The following CTNNA2 variants were observed in gnomAD, a reference collection of about 807,000 sequenced individuals.
The protein encoded by CTNNA2 is catenin alpha 2.
Under a neutral mutation model 101.0 loss-of-function variants are expected in CTNNA2, and 42 were observed. The observed-to-expected ratio is 0.42, with a 90% CI of 0.32 to 0.54. CTNNA2 has a LOEUF of 0.54. CTNNA2 is among the 20% of genes least tolerant of loss of function. CTNNA2 has a pLI of 0.14. For missense variants in CTNNA2, 871 were observed against 1,223.1 expected (o/e 0.71, Z 4.29); for synonymous variants, 450 against 456.4 (o/e 0.99, Z 0.18).
intron 4 of CTNNA2, among the ~76,000 whole-genome samples, chr2:79,474,411 A>G (rs572481501): frequency 1.5e-4 from 23 of 152,328 alleles, no homozygotes; most frequent in Admixed American, 7.2e-4. Context: ...AAGACTGCAT[A>G]TGACATGGTT....
At chr2:80,604,805 A>G (rs927306329) in intron 16 of CTNNA2, among the ~76,000 whole-genome samples, 3 of 151,920 alleles carry the variant, frequency 2.0e-5, no homozygotes, top group Non-Finnish European at 4.4e-5. Context: ...TTCTTTAAAA[A>G]GTTGTCGCGG....
intron 1 of CTNNA2, among the ~76,000 whole-genome samples, chr2:79,624,792 G>C (rs910186260): frequency 6.6e-6 from 1 of 152,194 alleles, no homozygotes; most frequent in Non-Finnish European, 1.5e-5. Flanking sequence ...ATTAAGATCA[G>C]TTCTGGTGAG....
rs146013312 is a variant in CTNNA2, at chr2:79,494,022, T to C, written c.-134-11032T>C. ...GAGAAAACAATTGTATTTCTATATA[T>C]TAACAATGAACAATCTAAACTAAAA... On this transcript the variant is annotated intron_variant, in intron 4 of 21. Coordinates refer to the CTNNA2 transcript ENST00000466387. 1.8e-3 allele frequency: 268 copies of C among 152,110 alleles called. 1 individual carries two copies. The highest frequency in any genetic ancestry group is 6.2e-3 in the African/African-American group (259 of 41,522). 9.4% of individuals were successfully genotyped at this position (152,110 alleles called of 1,614,324 possible).
intron 7 of CTNNA2, among the ~76,000 whole-genome samples, chr2:80,250,204 A>AGTGTGT (rs56664173): frequency 0.014 from 1,374 of 96,498 alleles, 30 homozygotes; most frequent in African/African-American, 0.038. Context: ...AGAGAGAGAG[A>AGTGTGT]GTGTGTGTGT....
intron 7 of CTNNA2, among the ~76,000 whole-genome samples, chr2:80,007,900 T>C (rs1192107175): frequency 6.6e-6 from 1 of 152,148 alleles, no homozygotes; most frequent in Non-Finnish European, 1.5e-5. Context: ...TGCTGGGAGA[T>C]TCTTGCACAA....
intron 9 of CTNNA2, among the ~76,000 whole-genome samples, chr2:80,449,205 A>C (rs2149453241): frequency 6.6e-6 from 1 of 152,138 alleles, no homozygotes; most frequent in East Asian, 1.9e-4. Flanking sequence ...TGAGCCCAAG[A>C]GTTTGAGGTT....
At chr2:79,274,414 G>A (rs1190369415) in intron 2 of CTNNA2, among the ~76,000 whole-genome samples, 1 of 151,966 alleles carries the variant, frequency 6.6e-6, no homozygotes, top group Non-Finnish European at 1.5e-5. Context: ...AAACAAAATA[G>A]AACTTTAGTT....
At chr2:79,427,566 A>G (rs1305293574) in intron 4 of CTNNA2, among the ~76,000 whole-genome samples, 5 of 151,824 alleles carry the variant, frequency 3.3e-5, no homozygotes, top group Non-Finnish European at 5.9e-5. Flanking sequence ...TCTGTGATCT[A>G]TGAAACCAAC....
chr2:79,309,864 A>G (rs73938178), intron 2 of CTNNA2, among the ~76,000 whole-genome samples: 13,053 of 152,164 alleles, frequency 0.086, 607 homozygotes, highest in African/African-American at 0.1. Flanking sequence ...AATCTGGTAC[A>G]TTTCTCCTTT....
chr2:79,689,526 AT>A (rs1179483950), intron 2 of CTNNA2, among the ~76,000 whole-genome samples: 1 of 152,016 alleles, frequency 6.6e-6, no homozygotes, highest in Non-Finnish European at 1.5e-5. Context: ...AAATATTATC[AT>A]CCATAACTTT....
chr2:79,544,640 C>T (rs1451938313), intron 1 of CTNNA2, among the ~76,000 whole-genome samples: 1 of 152,078 alleles, frequency 6.6e-6, no homozygotes, highest in Non-Finnish European at 1.5e-5. Flanking sequence ...GAGAATATGT[C>T]TAGCTTCAGA....
chr2:79,527,219 T>C (rs938671943), intron 1 of CTNNA2, among the ~76,000 whole-genome samples: 3 of 151,906 alleles, frequency 2.0e-5, no homozygotes, highest in African/African-American at 7.3e-5. Flanking sequence ...AATAGACATT[T>C]CTCCAAAGAA....
chr2:79,993,429 A>G (rs961654351), intron 7 of CTNNA2, among the ~76,000 whole-genome samples: 2 of 152,222 alleles, frequency 1.3e-5, no homozygotes, highest in Non-Finnish European at 2.9e-5. Flanking sequence ...TCTAAAACCA[A>G]GAATGGAAAC....
In CTNNA2 at chr2:80,556,489, CCTT is replaced by C. The variant is rs1490146074; in HGVS notation, c.1741+601_1741+603del. Among the ~76,000 whole-genome samples the C allele has an allele frequency of 1.1e-4, 16 of 152,220 alleles. No individual in the cohort carries two copies. In the South Asian group the frequency reaches 3.3e-3, roughly 32 times the overall value. On this transcript the variant is annotated intron_variant, in intron 12 of 18. Coordinates refer to ENST00000402739, the MANE Select transcript of CTNNA2 (RefSeq NM_001282597.3). Reference sequence around the variant, plus strand: ...TTCTTTCTAGGAAAGCTTTACATGCCCTTCTTCAGGGGCATGTGGCTGCTCACA... The same window carrying C: ...TTCTTTCTAGGAAAGCTTTACATGCCCTTCAGGGGCATGTGGCTGCTCACA...
At chr2:79,600,467 G>A (rs993543601) in intron 1 of CTNNA2, among the ~76,000 whole-genome samples, 6 of 152,054 alleles carry the variant, frequency 3.9e-5, no homozygotes, top group East Asian at 1.9e-4. Context: ...GTGAGTCACC[G>A]CACCTGGCCA....
chr2:79,984,596 T>C (rs1272133882), intron 7 of CTNNA2, among the ~76,000 whole-genome samples: 1 of 152,186 alleles, frequency 6.6e-6, no homozygotes, highest in Non-Finnish European at 1.5e-5. Flanking sequence ...GCAACCGGGT[T>C]GAGAATGATG....
intron 1 of CTNNA2, among the ~76,000 whole-genome samples, chr2:79,645,016 T>C (rs918958481): frequency 2.0e-5 from 3 of 151,996 alleles, no homozygotes; most frequent in African/African-American, 7.3e-5. Context: ...GAGGTTTTAC[T>C]CTAACATCCA....
At chr2:80,189,413 T>C (rs895769317) in intron 7 of CTNNA2, among the ~76,000 whole-genome samples, 1 of 152,202 alleles carries the variant, frequency 6.6e-6, no homozygotes, top group Non-Finnish European at 1.5e-5. Flanking sequence ...ACAAGAGAAG[T>C]TGGAGTCACA....
chr2:79,570,303 T>C (rs1229202647), intron 1 of CTNNA2, among the ~76,000 whole-genome samples: 2 of 152,192 alleles, frequency 1.3e-5, no homozygotes, highest in African/African-American at 2.4e-5. Context: ...TTATGTATCT[T>C]TTGGGAAAGC....
Sources: gnomAD v4.1 joint callset for allele counts (sites outside exome capture counted in the v4.1 genomes callset) on GRCh38, gnomAD v4.1.1 for gene constraint, MANE v1.5 for transcripts, NCBI Gene and HGNC (gene_info 2026-07-23, HGNC 2026-07-21) for gene names.